HOXA11: variants seen among roughly 807,000 people sequenced by gnomAD.
HOXA11 encodes homeobox A11, also known as homeobox protein Hox-A11.
In HOXA11, 8 loss-of-function variants were observed where a neutral mutation model predicts 22.5. The observed-to-expected ratio is 0.36, with a 90% CI of 0.21 to 0.64. The LOEUF (loss-of-function observed/expected upper bound fraction) is 0.64, where lower values mean the gene tolerates loss of function less well. Ranked by LOEUF, HOXA11 falls within the 30% of genes least tolerant of loss-of-function variation. HOXA11 has a pLI of 0.67. For missense variants in HOXA11, 388 were observed against 429.0 expected (o/e 0.90, Z 0.84); for synonymous variants, 211 against 188.4 (o/e 1.12, Z -0.98).
At chr7:27,183,076 A>G in intron 1 of HOXA11, 48 bp from the exon 2 acceptor site, 1 of 1,283,992 alleles carries the variant, frequency 7.8e-7, no homozygotes, top group Non-Finnish European at 1.1e-6. Context: ...GGGGGCTGCA[A>G]TCCACCCCAG....
At position 27,185,043 on chromosome 7, in the gene HOXA11, C is replaced by A. The variant is rs1483750355; in HGVS notation, c.102G>T (p.Leu34=). The A allele has an allele frequency of 5.0e-6, 8 of 1,614,048 alleles. No homozygotes were observed. The highest frequency in any genetic ancestry group is 1.3e-5 in the African/African-American group (1 of 75,008). ...TTGGGCGCGAAGACGGGGTCTGGGG[C>A]AGAAAAGAAGGGAGGCTGGAGAAAT... The part of the protein sequence containing the change: ...GPDFSSLPSF[L]PQTPSSRPMT... The change falls in exon 1 of 2, where the codon CTG becomes CTT. Residue 34 remains leucine (L), a synonymous_variant. Transcript: ENST00000006015.
rs114106977 is a variant in HOXA11, at chr7:27,184,956, T to C, written c.189A>G (p.Arg63=). Residue 63 remains arginine (R), a synonymous_variant, in exon 1 of 2, where the codon AGA becomes AGG. Coordinates refer to ENST00000006015, the MANE Select transcript of HOXA11 (RefSeq NM_005523.6). ...TAGTGGCGGGCTCAATGGCGTACTC[T>C]CTGAAGGTCACTTCGCGCACGGGTT... ...QVQPVREVTF[R]EYAIEPATKW... is the part of the protein sequence containing the mutation. The C allele has an allele frequency of 2.9e-4, 464 of 1,613,800 alleles. No homozygotes were observed. In the African/African-American group the frequency reaches 5.7e-3, roughly 20 times the overall value.
Position 27,182,543 on chromosome 7 carries a change from A to T in HOXA11, c.*253T>A. ...CGCAGCTCTGCAGGCTCCAAGAGTG[A>T]ACCACCAGGGGTCCCAAACCTGTCA... On this transcript the variant is annotated 3_prime_UTR_variant, in exon 2 of 2. Coordinates refer to ENST00000006015, the MANE Select transcript of HOXA11 (RefSeq NM_005523.6). 1 of 545,224 alleles carries T rather than the reference A, an allele frequency of 1.8e-6. No homozygotes were observed. The highest frequency in any genetic ancestry group is 3.3e-6 in the Non-Finnish European group (1 of 302,022). The allele number at this position is 545,224 out of a possible 1,614,324, so 33.8% of individuals were successfully genotyped here.
At position 27,184,531 on chromosome 7, in the gene HOXA11, G is replaced by C. The variant is rs1377868145; in HGVS notation, c.614C>G (p.Ala205Gly). ...CCGCCGCTCTTTCTCCTCTGCTGCCGCCGCCGTCTCCCGGCAGCCGCCGCC... is the reference window on the plus strand; with the variant it reads ...CCGCCGCTCTTTCTCCTCTGCTGCCCCCGCCGTCTCCCGGCAGCCGCCGCC... ...GGGGGCRETAAAAEEKERRRR... is the reference protein window; with the variant it reads ...GGGGGCRETAGAAEEKERRRR... Residue 205 changes from alanine to glycine, a missense_variant, in exon 1 of 2, where the codon GCG becomes GGG. By Grantham distance (60) the Ala-to-Gly change is moderately conservative (BLOSUM62 0). This residue lies in a region of HOXA11 where 295 missense variants were observed against 281.1 expected (regional missense o/e 1.05). Transcript: ENST00000006015. The C allele has an allele frequency of 2.0e-6, 3 of 1,504,582 alleles. No homozygotes were observed. Among genetic ancestry groups the C allele is most frequent in the Non-Finnish European group, 2.7e-6 (3 of 1,124,500 alleles). 93.2% of individuals were successfully genotyped at this position (1,504,582 alleles called of 1,614,324 possible).
rs1203984450 is a variant in HOXA11, at chr7:27,182,785, C to A, written c.*11G>T. On this transcript the variant is annotated 3_prime_UTR_variant, in exon 2 of 2. Coordinates refer to ENST00000006015, the MANE Select transcript of HOXA11 (RefSeq NM_005523.6). ...TATGAAGCCCCCCACCCAATTCCAG[C>A]CGCTGGAGTCTTAGAGGAGTGGATT... 6.5e-7 allele frequency: 1 copy of A among 1,536,260 alleles called. No homozygotes were observed. Among genetic ancestry groups the A allele is most frequent in the Admixed American group, 1.7e-5 (1 of 59,942 alleles).
Position 27,181,441 on chromosome 7 carries a change from A to AC in HOXA11, c.*1354dup, listed in dbSNP as rs1320115478. 1.4e-5 allele frequency: 2 copies of AC among 147,350 alleles called. No homozygotes were observed. Among genetic ancestry groups the AC allele is most frequent in the Admixed American group, 1.8e-4 (2 of 11,258 alleles). The allele number at this position is 147,350 out of a possible 1,614,324, so 9.1% of individuals were successfully genotyped here. A position where few individuals can be genotyped will look rare whatever the true frequency, so the allele number is the denominator to read the frequency against. ...AAAGACCATTCTCAATACCTTTTCC[A>AC]CCCCCTCCAACACCCTAAAGGAAAT... On this transcript the variant is annotated 3_prime_UTR_variant, in exon 2 of 2. Coordinates refer to ENST00000006015, the MANE Select transcript of HOXA11 (RefSeq NM_005523.6).
At chr7:27,184,311 GA>G in intron 1 of HOXA11, 124 bp downstream of exon 1, 8 of 915,098 alleles carry the variant, frequency 8.7e-6, no homozygotes, top group Non-Finnish European at 1.3e-5. Flanking sequence ...TTTGTTGGGG[GA>G]AACCTAAAGG....
rs1325039343 is a variant in HOXA11, at chr7:27,182,784, G to A, written c.*12C>T. 1 of 1,530,660 alleles carries A rather than the reference G, an allele frequency of 6.5e-7. No homozygotes were observed. Among genetic ancestry groups the A allele is most frequent in the Admixed American group, 1.7e-5 (1 of 59,938 alleles). The allele number at this position is 1,530,660 out of a possible 1,614,324, so 94.8% of individuals were successfully genotyped here. A position where few individuals can be genotyped will look rare whatever the true frequency, so the allele number is the denominator to read the frequency against. On this transcript the variant is annotated 3_prime_UTR_variant, in exon 2 of 2. Coordinates refer to ENST00000006015, the MANE Select transcript of HOXA11 (RefSeq NM_005523.6). ...GTATGAAGCCCCCCACCCAATTCCAGCCGCTGGAGTCTTAGAGGAGTGGAT... is the reference window on the plus strand; with the variant it reads ...GTATGAAGCCCCCCACCCAATTCCAACCGCTGGAGTCTTAGAGGAGTGGAT...
chr7:27,182,428 G>T lies in HOXA11; in HGVS notation c.*368C>A. Reference sequence around the variant, plus strand: ...TTTTTACTCAGGGGTCCTGGGGGTGGGTAGGCTCCCAGTAGAGGGAGGGTG... The same window carrying T: ...TTTTTACTCAGGGGTCCTGGGGGTGTGTAGGCTCCCAGTAGAGGGAGGGTG... On this transcript the variant is annotated 3_prime_UTR_variant, in exon 2 of 2. Transcript: ENST00000006015. 1 of 425,706 alleles carries T rather than the reference G, an allele frequency of 2.3e-6. No individual in the cohort carries two copies. Among genetic ancestry groups the T allele is most frequent in the Non-Finnish European group, 4.3e-6 (1 of 229,906 alleles). 26.4% of individuals were successfully genotyped at this position (425,706 alleles called of 1,614,324 possible).
rs761718543 is a variant in HOXA11 at position 27,183,046 on chromosome 7, G to T, written c.710-18C>A. The T allele has an allele frequency of 4.5e-6, 7 of 1,570,678 alleles. No homozygotes were observed. The African/African-American group carries it at 8.1e-5, about 18-fold the overall frequency. ...TTGGCCACCTGTGGAGGGAGAAAAG[G>T]CATGGGGTGAGCCAGGTGTGGGGGC... On this transcript the variant is annotated intron_variant, in intron 1 of 1. Transcript: ENST00000006015.
Position 27,183,040 on chromosome 7 carries a change from G to C in HOXA11, c.710-12C>G. The C allele has an allele frequency of 1.3e-6, 2 of 1,588,626 alleles. No individual in the cohort carries two copies. The highest frequency in any genetic ancestry group is 8.6e-7 in the Non-Finnish European group (1 of 1,157,846). On this transcript the variant is annotated splice_polypyrimidine_tract_variant and intron_variant, in intron 1 of 1. Transcript: ENST00000006015. ...GGTGCGTTGGCCACCTGTGGAGGGA[G>C]AAAAGGCATGGGGTGAGCCAGGTGT...
Position 27,184,588 on chromosome 7 carries a change from G to A in HOXA11, c.557C>T (p.Ala186Val). ...GCTGTCCGAACTTGAAGTTGCCGGC[G>A]CGCCCGTTGCAGCCGCCGCCGCCGC... ...SAAAAAAATG[A>V]PATSSSDSGG... The change falls in exon 1 of 2, where the codon GCG (alanine) becomes GTG (valine). Residue 186 changes from alanine (A) to valine (V), a missense_variant. Transcript: ENST00000006015. 1 of 1,491,400 alleles carries A rather than the reference G, an allele frequency of 6.7e-7. No homozygotes were observed. The highest frequency in any genetic ancestry group is 1.3e-5 in the South Asian group (1 of 77,132). The allele number at this position is 1,491,400 out of a possible 1,614,324, so 92.4% of individuals were successfully genotyped here. A position where few individuals can be genotyped will look rare whatever the true frequency, so the allele number is the denominator to read the frequency against.
Position 27,184,611 on chromosome 7 carries a change from C to A in HOXA11, c.534G>T (p.Ala178=), listed in dbSNP as rs529422357. The A allele has an allele frequency of 2.4e-4, 369 of 1,515,204 alleles. 1 individual carries two copies. Among genetic ancestry groups the A allele is most frequent in the Non-Finnish European group, 3.1e-4 (352 of 1,132,820 alleles). 93.9% of individuals were successfully genotyped at this position (1,515,204 alleles called of 1,614,324 possible). A position where few individuals can be genotyped will look rare whatever the true frequency, so the allele number is the denominator to read the frequency against. Residue 178 remains alanine (A), a synonymous_variant, in exon 1 of 2, where the codon GCG becomes GCT. Coordinates refer to ENST00000006015, the MANE Select transcript of HOXA11 (RefSeq NM_005523.6). The part of the protein sequence containing the change: ...GPPAATATSA[A]AAAAATGAPA... The stretch of plus-strand genomic sequence containing the variant: ...GCGCGCCCGTTGCAGCCGCCGCCGC[C>A]GCCGCGGAGGTCGCCGTGGCCGCCG...
intron 1 of HOXA11, among the ~76,000 whole-genome samples, chr7:27,183,600 C>T (rs1371618601): frequency 1.3e-5 from 2 of 152,144 alleles, no homozygotes; most frequent in Non-Finnish European, 2.9e-5. Context: ...GGGGAGGTGG[C>T]GGCGGAAGCC....
Position 27,184,632 on chromosome 7 carries a change from C to G in HOXA11, c.513G>C (p.Ala171=), listed in dbSNP as rs759149884. The change falls in exon 1 of 2, where the codon GCG becomes GCC. Residue 171 remains alanine, a synonymous_variant. Transcript: ENST00000006015. ...GDKSAEKGPP[A]ATATSAAAAA... ...CCGCCGCCGCGGAGGTCGCCGTGGC[C>G]GCCGGGGGCCCCTTCTCGGCGCTCT... 11 of 1,557,638 alleles carry G rather than the reference C, an allele frequency of 7.1e-6. No homozygotes were observed. Among genetic ancestry groups the G allele is most frequent in the Non-Finnish European group, 9.5e-6 (11 of 1,155,158 alleles).
In HOXA11 at chr7:27,184,422, G is replaced by A; in HGVS notation, c.709+14C>T. On this transcript the variant is annotated intron_variant, in intron 1 of 1. Coordinates refer to ENST00000006015, the MANE Select transcript of HOXA11 (RefSeq NM_005523.6). ...CCCCTTTCATAAAGCGCAGGGCGCT[G>A]CCTTTATACGTACTGGAGCCGCCGG... is the stretch of plus-strand genomic sequence containing the variant. The A allele has an allele frequency of 6.3e-7, 1 of 1,575,314 alleles. No individual in the cohort carries two copies. The highest frequency in any genetic ancestry group is 8.6e-7 in the Non-Finnish European group (1 of 1,160,932).
Position 27,184,742 on chromosome 7 carries a change from C to G in HOXA11, c.403G>C (p.Val135Leu). The G allele has an allele frequency of 6.2e-7, 1 of 1,613,742 alleles. No homozygotes were observed. The highest frequency in any genetic ancestry group is 8.5e-7 in the Non-Finnish European group (1 of 1,179,908). ...AACTGGTCGAAAGCCTGTGGCAGGA[C>G]GCCGTTCCTGCCCACGGTGCTATAG... ...NFYSTVGRNGVLPQAFDQFFE... is the reference protein window; with the variant it reads ...NFYSTVGRNGLLPQAFDQFFE... The change falls in exon 1 of 2, where the codon GTC (valine) becomes CTC (leucine). Residue 135 changes from valine to leucine, a missense_variant. This residue lies in a region of HOXA11 where 295 missense variants were observed against 281.1 expected (regional missense o/e 1.05). Transcript: ENST00000006015.
In HOXA11 at chr7:27,184,740, G is replaced by C. The variant is rs1449984453; in HGVS notation, c.405C>G (p.Val135=). The C allele has an allele frequency of 3.7e-6, 6 of 1,613,728 alleles. No individual in the cohort carries two copies. In the East Asian group the frequency reaches 1.3e-4, roughly 36 times the overall value. The change falls in exon 1 of 2, where the codon GTC becomes GTG. Residue 135 remains valine, a synonymous_variant. Coordinates refer to ENST00000006015, the MANE Select transcript of HOXA11 (RefSeq NM_005523.6). ...NFYSTVGRNG[V]LPQAFDQFFE... ...AAAACTGGTCGAAAGCCTGTGGCAG[G>C]ACGCCGTTCCTGCCCACGGTGCTAT... is the stretch of plus-strand genomic sequence containing the variant.
rs17501090 is a variant in HOXA11, at chr7:27,181,835, C to A, written c.*961G>T. On this transcript the variant is annotated 3_prime_UTR_variant, in exon 2 of 2. Coordinates refer to ENST00000006015, the MANE Select transcript of HOXA11 (RefSeq NM_005523.6). Reference sequence around the variant, plus strand: ...TGAGGGCTGAGTGTGGTGCTGGAACCCGGTGTTTTGGGGGACTCAAGGCCC... The same window carrying A: ...TGAGGGCTGAGTGTGGTGCTGGAACACGGTGTTTTGGGGGACTCAAGGCCC... 0.028 allele frequency: 6,177 copies of A among 217,140 alleles called. 136 individuals carry two copies. The highest frequency in any genetic ancestry group is 0.06 in the African/African-American group (2,666 of 44,470). The allele number at this position is 217,140 out of a possible 1,614,324, so 13.5% of individuals were successfully genotyped here.
Sources: allele counts gnomAD v4.1 joint callset (sites outside exome capture counted in the v4.1 genomes callset), GRCh38; gene constraint gnomAD v4.1.1; regional missense constraint gnomAD v4.1.1; transcripts MANE v1.5; gene names NCBI Gene and HGNC (gene_info 2026-07-23, HGNC 2026-07-21).